The following NCOA1 variants were observed in gnomAD, a reference collection of about 807,000 sequenced individuals.
NCOA1 encodes nuclear receptor coactivator 1.
Under a neutral mutation model 150.9 loss-of-function variants are expected in NCOA1, and 35 were observed. That is an observed-to-expected ratio of 0.23 (90% CI 0.18 to 0.31). The LOEUF (loss-of-function observed/expected upper bound fraction) is 0.31, where lower values mean the gene tolerates loss of function less well. NCOA1 is among the 10% of genes least tolerant of loss of function. The pLI is 1.00. For synonymous variants in NCOA1, 590 were observed against 630.0 expected, an observed-to-expected ratio of 0.94 and a Z score of 0.95; for missense variants, 1,491 against 1,749.3, an observed-to-expected ratio of 0.85 and a Z score of 2.63.
At chr2:24,541,238 G>T (rs147817417) in intron 1 of NCOA1, among the ~76,000 whole-genome samples, 1 of 152,186 alleles carries the variant, frequency 6.6e-6, no homozygotes, top group African/African-American at 2.4e-5. Context: ...ACTACTGTTT[G>T]AGAGCTACGT....
chr2:24,623,666 T>G (rs1302338972), intron 3 of NCOA1, among the ~76,000 whole-genome samples: 1 of 152,212 alleles, frequency 6.6e-6, no homozygotes, highest in Non-Finnish European at 1.5e-5. Flanking sequence ...TTTCTCACAG[T>G]TCCGGAAACT....
At chr2:24,568,438 T>G (rs1666601505) in intron 2 of NCOA1, among the ~76,000 whole-genome samples, 1 of 152,234 alleles carries the variant, frequency 6.6e-6, no homozygotes, top group Non-Finnish European at 1.5e-5. Context: ...TGTGCTGTGA[T>G]GGAAAGAGCA....
At position 24,706,975 on chromosome 2, in the gene NCOA1, G is replaced by A. The variant is rs180834409; in HGVS notation, c.1505G>A (p.Arg502Lys). The A allele has an allele frequency of 4.3e-6, 7 of 1,614,142 alleles. No homozygotes were observed. The Admixed American group carries it at 1.0e-4, about 23-fold the overall frequency. ...ACTTCTGGATTGGCAACAAGGCCCA[G>A]GATGCCAAACAATTCCTTTCCTCCT... ...QVTSGLATRP[R>K]MPNNSFPPNI... is the part of the protein sequence containing the mutation. Residue 502 changes from arginine (R) to lysine (K), a missense_variant, in exon 13 of 23, where the codon AGG becomes AAG. Arg to Lys is a conservative substitution (Grantham distance 26). This residue lies in a region of NCOA1 where 703 missense variants were observed against 717.7 expected (regional missense o/e 0.98). Coordinates refer to ENST00000348332, the MANE Select transcript of NCOA1 (RefSeq NM_003743.5).
chr2:24,625,240 C>T (rs1410863872), intron 3 of NCOA1, among the ~76,000 whole-genome samples: 1 of 150,946 alleles, frequency 6.6e-6, no homozygotes, highest in Non-Finnish European at 1.5e-5. Flanking sequence ...GTGGTATACA[C>T]CTGTAATCCC....
At chr2:24,595,997 G>A (rs1047856101) in intron 3 of NCOA1, among the ~76,000 whole-genome samples, 1 of 152,114 alleles carries the variant, frequency 6.6e-6, no homozygotes, top group Non-Finnish European at 1.5e-5. Flanking sequence ...TTTCAGGAGT[G>A]AGATCATGAG....
chr2:24,645,714 T>G (rs1307894453), intron 4 of NCOA1, among the ~76,000 whole-genome samples: 3 of 152,202 alleles, frequency 2.0e-5, no homozygotes, highest in African/African-American at 4.8e-5. Flanking sequence ...TCTGAAATCC[T>G]ATATGCTCCC....
chr2:24,736,473 T>G (rs1046991441), intron 17 of NCOA1, among the ~76,000 whole-genome samples: 1 of 152,170 alleles, frequency 6.6e-6, no homozygotes, highest in African/African-American at 2.4e-5. Flanking sequence ...TATCTGACAT[T>G]ATAAGAACCA....
chr2:24,520,265 A>G (rs1487023014), intron 1 of NCOA1, among the ~76,000 whole-genome samples: 3 of 152,210 alleles, frequency 2.0e-5, no homozygotes, highest in Non-Finnish European at 2.9e-5. Flanking sequence ...CTTAAGATAA[A>G]TGAAAGCATA....
chr2:24,679,996 AT>A (rs1672090928), intron 7 of NCOA1, among the ~76,000 whole-genome samples: 1 of 152,204 alleles, frequency 6.6e-6, no homozygotes, highest in African/African-American at 2.4e-5. Flanking sequence ...ATGGAGATGT[AT>A]TACTAAATTT....
At chr2:24,514,308 GAAAAAAACA>G (rs1664066365) in intron 1 of NCOA1, among the ~76,000 whole-genome samples, 2 of 142,826 alleles carry the variant, frequency 1.4e-5, no homozygotes, top group South Asian at 4.4e-4. Flanking sequence ...AAAAAAAAAG[GAAAAAAACA>G]AAAAGAAAAA....
At chr2:24,576,175 T>TGTTTTTTTTTTTTG (rs1666971663) in intron 2 of NCOA1, among the ~76,000 whole-genome samples, 1 of 70,406 alleles carries the variant, frequency 1.4e-5, no homozygotes, top group African/African-American at 4.2e-5. Context: ...TTTTTGTTTT[T>TGTTTTTTTTTTTTG]TTTTTTTTTT....
intron 4 of NCOA1, among the ~76,000 whole-genome samples, chr2:24,645,445 G>A (rs1456128818): frequency 6.6e-6 from 1 of 150,380 alleles, no homozygotes; most frequent in Admixed American, 6.6e-5. Flanking sequence ...GGGAGGCGGA[G>A]CTTGCAGTGA....
At chr2:24,598,968 T>C (rs1488056675) in intron 3 of NCOA1, among the ~76,000 whole-genome samples, 1 of 152,136 alleles carries the variant, frequency 6.6e-6, no homozygotes, top group Non-Finnish European at 1.5e-5. Flanking sequence ...TAAGCCCAAG[T>C]ACAGGAGATG....
At chr2:24,687,651 G>A (rs557509367) in intron 8 of NCOA1, among the ~76,000 whole-genome samples, 7 of 152,230 alleles carry the variant, frequency 4.6e-5, no homozygotes, top group Admixed American at 4.6e-4. Flanking sequence ...GAGAGCAAAG[G>A]AGGAACTTCC....
intron 1 of NCOA1, among the ~76,000 whole-genome samples, chr2:24,540,713 C>T (rs1261743128): frequency 6.6e-6 from 1 of 152,178 alleles, no homozygotes; most frequent in East Asian, 1.9e-4. Context: ...CCTGCCTCAG[C>T]CTCCCGAAGT....
chr2:24,722,720 A>G (rs1572642221), intron 14 of NCOA1, among the ~76,000 whole-genome samples: 1 of 152,150 alleles, frequency 6.6e-6, no homozygotes, highest in East Asian at 1.9e-4. Flanking sequence ...TAAATCAAAA[A>G]TATTGTATAA....
At chr2:24,714,924 CCAAT>C (rs753601333) in intron 14 of NCOA1, among the ~76,000 whole-genome samples, 3 of 151,666 alleles carry the variant, frequency 2.0e-5, no homozygotes, top group South Asian at 2.1e-4. Flanking sequence ...AATCTTAAAA[CCAAT>C]CAAAGAAAAA....
chr2:24,677,340 T>A (rs1427053550), intron 7 of NCOA1, among the ~76,000 whole-genome samples: 1 of 151,976 alleles, frequency 6.6e-6, no homozygotes, highest in Non-Finnish European at 1.5e-5. Context: ...CAAGACCCTG[T>A]CTCAAAAACA....
chr2:24,679,438 A>G (rs1672063897), intron 7 of NCOA1, among the ~76,000 whole-genome samples: 1 of 152,236 alleles, frequency 6.6e-6, no homozygotes, highest in African/African-American at 2.4e-5. Context: ...CTGAAATGTT[A>G]CTAGTCTCTT....
Sources: allele counts gnomAD v4.1 joint callset (sites outside exome capture counted in the v4.1 genomes callset), GRCh38; gene constraint gnomAD v4.1.1; regional missense constraint gnomAD v4.1.1; transcripts MANE v1.5; gene names NCBI Gene and HGNC (gene_info 2026-07-23, HGNC 2026-07-21).